Variants in DGKB observed in about 807,000 individuals in gnomAD.
The protein encoded by DGKB is 90 kDa diacylglycerol kinase.
A neutral mutation model predicts 114.3 loss-of-function variants in DGKB; 67 were observed. The observed-to-expected ratio is 0.59, with a 90% CI of 0.48 to 0.72. The LOEUF (loss-of-function observed/expected upper bound fraction) is 0.72. Among genes scored for constraint, DGKB ranks in the 30% least tolerant of loss-of-function variants. The pLI is 0.00. For synonymous variants in DGKB, 398 were observed against 323.1 expected (o/e 1.23, Z -2.49); for missense variants, 907 against 975.2 (o/e 0.93, Z 0.93).
At chr7:14,468,253 C>G (rs1431525) in intron 21 of DGKB, among the ~76,000 whole-genome samples, 56,463 of 151,708 alleles carry the variant, frequency 0.37, 10,896 homozygotes, top group Admixed American at 0.48. Context: ...TATTGGTTAA[C>G]GTCACAGGCT....
At chr7:14,165,502 C>T (rs558533149) in intron 25 of DGKB, among the ~76,000 whole-genome samples, 21 of 152,212 alleles carry the variant, frequency 1.4e-4, no homozygotes, top group African/African-American at 5.1e-4. Flanking sequence ...TTCTCATGTA[C>T]TGTTTATATT....
chr7:14,643,948 G>T (rs1172362614), intron 13 of DGKB, among the ~76,000 whole-genome samples: 1 of 152,074 alleles, frequency 6.6e-6, no homozygotes, highest in African/African-American at 2.4e-5. Flanking sequence ...CAGAGGAGTG[G>T]ACCAACCAGG....
intron 23 of DGKB, among the ~76,000 whole-genome samples, chr7:14,311,374 T>C (rs1252389290): frequency 6.6e-6 from 1 of 152,206 alleles, no homozygotes; most frequent in Non-Finnish European, 1.5e-5. Context: ...TTTTTTGTTC[T>C]ATATGTAACA....
At chr7:14,815,164 T>C (rs1843944329) in intron 2 of DGKB, 1 of 152,234 alleles carries the variant, frequency 6.6e-6, no homozygotes, top group East Asian at 1.9e-4. Flanking sequence ...ATCTTTATAG[T>C]GGCTGCTTAT....
chr7:14,954,249 T>C (rs1472426812), intron 1 of DGKB, among the ~76,000 whole-genome samples: 1 of 152,042 alleles, frequency 6.6e-6, no homozygotes, highest in Non-Finnish European at 1.5e-5. Context: ...AGCTGGCAAC[T>C]GATGTCCATG....
At chr7:14,426,607 A>C (rs564647815) in intron 21 of DGKB, among the ~76,000 whole-genome samples, 1 of 152,312 alleles carries the variant, frequency 6.6e-6, no homozygotes, top group East Asian at 1.9e-4. Flanking sequence ...TTTGTTGAGA[A>C]TGAAGTATCC....
intron 23 of DGKB, chr7:14,191,917 T>TA: frequency 1.6e-6 from 1 of 630,922 alleles, no homozygotes; most frequent in Non-Finnish European, 2.7e-6. Flanking sequence ...GCCAGTCTGG[T>TA]AAAAAGCTGG....
intron 20 of DGKB, among the ~76,000 whole-genome samples, chr7:14,563,936 G>A (rs1030079711): frequency 1.3e-5 from 2 of 152,004 alleles, no homozygotes; most frequent in Admixed American, 1.3e-4. Context: ...AAAAAGCTAT[G>A]GTTTCTGCTA....
chr7:14,628,751 G>A (rs1256449051), intron 14 of DGKB, among the ~76,000 whole-genome samples: 1 of 151,988 alleles, frequency 6.6e-6, no homozygotes, highest in African/African-American at 2.4e-5. Context: ...CACACACTCA[G>A]CCATGCATAT....
intron 21 of DGKB, among the ~76,000 whole-genome samples, chr7:14,440,407 T>C (rs1488453506): frequency 6.6e-6 from 1 of 152,062 alleles, no homozygotes; most frequent in Non-Finnish European, 1.5e-5. Flanking sequence ...ATATACTGAG[T>C]TGATCACGAC....
chr7:14,539,283 T>C (rs556395422), intron 20 of DGKB, among the ~76,000 whole-genome samples: 12 of 152,290 alleles, frequency 7.9e-5, no homozygotes, highest in African/African-American at 2.9e-4. Flanking sequence ...ATTAATTATG[T>C]GTGGTTTCAT....
chr7:14,864,578 G>A (rs1345643941), intron 1 of DGKB, among the ~76,000 whole-genome samples: 2 of 152,128 alleles, frequency 1.3e-5, no homozygotes, highest in Non-Finnish European at 1.5e-5. Context: ...TTATGCCCAG[G>A]TATATTGAGT....
At chr7:14,320,138 C>G (rs1255521693) in intron 23 of DGKB, among the ~76,000 whole-genome samples, 1 of 152,118 alleles carries the variant, frequency 6.6e-6, no homozygotes, top group Non-Finnish European at 1.5e-5. Flanking sequence ...TCCTAAGAGT[C>G]ATAGGTGGGA....
intron 23 of DGKB, among the ~76,000 whole-genome samples, chr7:14,242,184 C>A: frequency 6.6e-6 from 1 of 152,276 alleles, no homozygotes; most frequent in African/African-American, 2.4e-5. Context: ...TTTTCCTTCA[C>A]AGAGACCAGT....
chr7:14,455,954 A>C (rs76155565), intron 21 of DGKB, among the ~76,000 whole-genome samples: 502 of 152,122 alleles, frequency 3.3e-3, no homozygotes, highest in African/African-American at 0.011. Context: ...TTGTGCCTTC[A>C]CTATTTAAAA....
At chr7:14,803,965 G>T (rs1842490493) in intron 2 of DGKB, among the ~76,000 whole-genome samples, 1 of 151,728 alleles carries the variant, frequency 6.6e-6, no homozygotes, top group Admixed American at 6.6e-5. Flanking sequence ...CAGAATTTTA[G>T]TACTTTCTTT....
At chr7:14,594,778 G>T (rs1802275309) in intron 17 of DGKB, among the ~76,000 whole-genome samples, 1 of 151,998 alleles carries the variant, frequency 6.6e-6, no homozygotes, top group Admixed American at 6.6e-5. Context: ...AATGTATTTT[G>T]AAAGGAAATA....
intron 12 of DGKB, among the ~76,000 whole-genome samples, chr7:14,679,413 C>T (rs1820446971): frequency 6.6e-6 from 1 of 151,820 alleles, no homozygotes; most frequent in Middle Eastern, 3.2e-3. Context: ...CATAAATGGC[C>T]CAAGATGGCA....
intron 4 of DGKB, among the ~76,000 whole-genome samples, chr7:14,748,765 C>T (rs1833720509): frequency 6.6e-6 from 1 of 152,146 alleles, no homozygotes; most frequent in African/African-American, 2.4e-5. Flanking sequence ...TTGTATCAGA[C>T]AAAAGATAGC....
Sources: gnomAD v4.1 joint callset for allele counts (sites outside exome capture counted in the v4.1 genomes callset) on GRCh38, gnomAD v4.1.1 for gene constraint, MANE v1.5 for transcripts, NCBI Gene and HGNC (gene_info 2026-07-23, HGNC 2026-07-21) for gene names.